MYO9A: variants seen among roughly 807,000 people sequenced by gnomAD.
The protein encoded by MYO9A is myosin IXA.
In MYO9A, 103 loss-of-function variants were observed where a neutral mutation model predicts 293.3. That is an observed-to-expected ratio of 0.35 (90% CI 0.30 to 0.41). The LOEUF is 0.41. Ranked by LOEUF, MYO9A falls within the 10% of genes least tolerant of loss-of-function variation. MYO9A has a pLI of 1.00. For synonymous variants in MYO9A, 1,001 were observed against 1,035.7 expected (o/e 0.97, Z 0.64); for missense variants, 2,685 against 3,033.0 (o/e 0.89, Z 2.69).
chr15:71,861,830 C>T (rs931737585), intron 33 of MYO9A, among the ~76,000 whole-genome samples: 1 of 151,828 alleles, frequency 6.6e-6, no homozygotes, highest in Non-Finnish European at 1.5e-5. Flanking sequence ...AGTGAAAGAA[C>T]AGAGAATTTC....
intron 18 of MYO9A, among the ~76,000 whole-genome samples, chr15:71,929,586 A>T (rs2058421111): frequency 6.6e-6 from 1 of 152,206 alleles, no homozygotes; most frequent in Admixed American, 6.5e-5. Context: ...GATAAATCAC[A>T]TTTATTGATT....
chr15:72,060,623 T>C (rs2078852374), intron 1 of MYO9A, among the ~76,000 whole-genome samples: 1 of 152,112 alleles, frequency 6.6e-6, no homozygotes, highest in South Asian at 2.1e-4. Context: ...TCAGCCGGCA[T>C]CTATGGAGGG....
intron 12 of MYO9A, among the ~76,000 whole-genome samples, chr15:71,974,378 T>C (rs1311662199): frequency 6.6e-6 from 1 of 152,162 alleles, no homozygotes; most frequent in Non-Finnish European, 1.5e-5. Context: ...TAAAGGAGCA[T>C]CCCCTTAGAT....
chr15:71,993,148 C>T (rs1222578565), intron 10 of MYO9A, among the ~76,000 whole-genome samples: 1 of 151,324 alleles, frequency 6.6e-6, no homozygotes, highest in Non-Finnish European at 1.5e-5. Flanking sequence ...GTCAGGTGTT[C>T]GAGACCAGCC....
At position 71,841,800 on chromosome 15, in the gene MYO9A, T is replaced by TTTTTTTGTTG. The variant is rs1218921336; in HGVS notation, c.6837+7044_6837+7045insCAACAAAAAA. Among the ~76,000 whole-genome samples the TTTTTTTGTTG allele has an allele frequency of 3.6e-5, 5 of 140,758 alleles. No individual in the cohort carries two copies. In the East Asian group the frequency reaches 9.1e-4, roughly 26 times the overall value. 92.3% of individuals were successfully genotyped at this position (140,758 alleles called of 152,430 possible). A position where few individuals can be genotyped will look rare whatever the true frequency, so the allele number is the denominator to read the frequency against. ...ATAGGTGCTCGCCACCAGGGGTAGT[T>TTTTTTTGTTG]TTTTTTTTTGTTTTTTTTGTTTTTT... On this transcript the variant is annotated intron_variant, in intron 39 of 41. Coordinates refer to ENST00000356056, the MANE Select transcript of MYO9A (RefSeq NM_006901.4).
At chr15:72,053,552 C>T (rs1009558655) in intron 1 of MYO9A, among the ~76,000 whole-genome samples, 4 of 152,052 alleles carry the variant, frequency 2.6e-5, no homozygotes, top group Admixed American at 2.6e-4. Flanking sequence ...AGCAAACTAA[C>T]GCAAGAACAG....
intron 28 of MYO9A, among the ~76,000 whole-genome samples, chr15:71,882,780 T>C (rs2056912483): frequency 6.6e-6 from 1 of 152,158 alleles, no homozygotes; most frequent in Non-Finnish European, 1.5e-5. Context: ...CCAGTTACTA[T>C]ATGTGCATAA....
chr15:71,994,080 T>C (rs545815950), intron 10 of MYO9A, among the ~76,000 whole-genome samples: 17 of 152,308 alleles, frequency 1.1e-4, no homozygotes, highest in African/African-American at 4.1e-4. Flanking sequence ...CTATTTTTAA[T>C]GGATGGATTT....
At chr15:71,850,302 G>A (rs1300818218) in intron 37 of MYO9A, 135 bp from the exon 38 acceptor site, 2 of 1,026,544 alleles carry the variant, frequency 1.9e-6, no homozygotes, top group East Asian at 2.6e-5. Context: ...TATCCATTAA[G>A]TTTAAGGGTC....
At chr15:72,020,132 G>A (rs977707726) in intron 5 of MYO9A, among the ~76,000 whole-genome samples, 11 of 152,042 alleles carry the variant, frequency 7.2e-5, no homozygotes, top group East Asian at 1.9e-4. Context: ...CAAAAGCTTC[G>A]TAAGGATTTT....
chr15:72,028,571 C>T (rs1031903857), intron 3 of MYO9A, among the ~76,000 whole-genome samples: 1 of 150,798 alleles, frequency 6.6e-6, no homozygotes, highest in Admixed American at 6.6e-5. Context: ...CACTTGAACC[C>T]GGGAGGCAGA....
At position 71,935,409 on chromosome 15, in the gene MYO9A, A is replaced by G; in HGVS notation, c.2454T>C (p.Leu818=). ...QSRLSSGTSL[L]DKDGIFANST... ...AATTAGCAAATATTCCATCTTTATC[A>G]AGCAAGGAGGTGCCACTTGATAGTC... is the stretch of plus-strand genomic sequence containing the variant. The change falls in exon 17 of 42, where the codon CTT becomes CTC. Residue 818 remains leucine (L), a synonymous_variant. Transcript: ENST00000356056. 1 of 1,613,750 alleles carries G rather than the reference A, an allele frequency of 6.2e-7. No homozygotes were observed. The highest frequency in any genetic ancestry group is 8.5e-7 in the Non-Finnish European group (1 of 1,179,734).
At chr15:71,931,202 A>G (rs1654064226) in intron 18 of MYO9A, among the ~76,000 whole-genome samples, 2 of 152,276 alleles carry the variant, frequency 1.3e-5, no homozygotes, top group South Asian at 4.1e-4. Flanking sequence ...ACTAATTATC[A>G]CTGTCCTTTA....
At chr15:71,917,606 G>A (rs1000351175) in intron 18 of MYO9A, among the ~76,000 whole-genome samples, 12 of 152,148 alleles carry the variant, frequency 7.9e-5, no homozygotes, top group African/African-American at 2.7e-4. Flanking sequence ...TAAAAATTAG[G>A]AAAATGGGAG....
chr15:72,113,174 A>T (rs1340485587), intron 1 of MYO9A, among the ~76,000 whole-genome samples: 1 of 152,244 alleles, frequency 6.6e-6, no homozygotes, highest in Admixed American at 6.5e-5. Context: ...GAAAACAGAC[A>T]AGTAATTAAG....
intron 1 of MYO9A, among the ~76,000 whole-genome samples, chr15:72,073,905 G>T (rs1210396364): frequency 1.3e-5 from 2 of 152,064 alleles, no homozygotes; most frequent in African/African-American, 2.4e-5. Flanking sequence ...TTATTCATTG[G>T]GATTTAATCA....
chr15:71,904,089 AATT>A, intron 20 of MYO9A, 50 bp from the exon 21 acceptor site: 1 of 1,392,176 alleles, frequency 7.2e-7, no homozygotes, highest in African/African-American at 1.4e-5. Flanking sequence ...TCTCCAAATT[AATT>A]ATCTGTTTAT....
intron 1 of MYO9A, among the ~76,000 whole-genome samples, chr15:72,072,077 A>G (rs956766575): frequency 1.3e-5 from 2 of 150,320 alleles, no homozygotes; most frequent in Non-Finnish European, 3.0e-5. Flanking sequence ...CATGTCAAAA[A>G]AAAAAAAAAA....
intron 2 of MYO9A, among the ~76,000 whole-genome samples, chr15:72,037,516 G>C (rs2078091742): frequency 6.6e-6 from 1 of 152,104 alleles, no homozygotes. Context: ...GAGTACTGAA[G>C]GGGTGAGTCA....
Sources: allele counts gnomAD v4.1 joint callset (sites outside exome capture counted in the v4.1 genomes callset), GRCh38; gene constraint gnomAD v4.1.1; transcripts MANE v1.5; gene names NCBI Gene and HGNC (gene_info 2026-07-23, HGNC 2026-07-21).